EPHA3: variants seen among roughly 807,000 people sequenced by gnomAD.
EPHA3 encodes ephrin type-A receptor 3.
In EPHA3, 42 loss-of-function variants were observed where a neutral mutation model predicts 107.1. The ratio of observed to expected loss-of-function variants is 0.39; its 90% CI spans 0.31 to 0.51. EPHA3 has a LOEUF of 0.51. Among genes scored for constraint, EPHA3 ranks in the 20% least tolerant of loss-of-function variants. The pLI, the probability that EPHA3 is intolerant of heterozygous loss-of-function variation, is 0.78. For missense variants in EPHA3, 1,183 were observed against 1,211.2 expected, an observed-to-expected ratio of 0.98 and a Z score of 0.35; for synonymous variants, 461 against 424.8, an observed-to-expected ratio of 1.09 and a Z score of -1.05.
At chr3:89,386,222 T>C (rs1359515703) in intron 5 of EPHA3, among the ~76,000 whole-genome samples, 2 of 152,192 alleles carry the variant, frequency 1.3e-5, no homozygotes, top group Non-Finnish European at 2.9e-5. Flanking sequence ...AGCCAAATAT[T>C]AATTGCCAAG....
chr3:89,193,993 G>A (rs1221981032), intron 2 of EPHA3, among the ~76,000 whole-genome samples: 5 of 151,856 alleles, frequency 3.3e-5, no homozygotes, highest in East Asian at 1.9e-4. Context: ...GCTATGAAAC[G>A]GAATGCACTA....
intron 5 of EPHA3, among the ~76,000 whole-genome samples, chr3:89,345,598 G>C (rs1707627720): frequency 6.9e-6 from 1 of 144,626 alleles, no homozygotes; most frequent in African/African-American, 2.5e-5. Context: ...ACACTTCAGT[G>C]ACAATTTCTT....
rs570727885 is a variant in EPHA3 at position 89,356,410 on chromosome 3, C to G, written c.1306+14320C>G. Among the ~76,000 whole-genome samples the G allele has an allele frequency of 4.9e-4, 74 of 151,268 alleles. 1 individual carries two copies. The highest frequency in any genetic ancestry group is 1.7e-3 in the African/African-American group (70 of 41,442). On this transcript the variant is annotated intron_variant, in intron 5 of 16. Transcript: ENST00000336596. ...TCTAGATCCCTGAAGAATCGCCACA[C>G]TGACTTCCACAATGTTTGGACTAGT...
At chr3:89,256,316 A>T (rs547110716) in intron 3 of EPHA3, among the ~76,000 whole-genome samples, 1 of 152,116 alleles carries the variant, frequency 6.6e-6, no homozygotes. Flanking sequence ...TGGGAAGCTG[A>T]GGCAGGCAGA....
At chr3:89,283,000 T>A (rs548832366) in intron 3 of EPHA3, among the ~76,000 whole-genome samples, 2 of 152,218 alleles carry the variant, frequency 1.3e-5, no homozygotes, top group East Asian at 3.9e-4. Flanking sequence ...CTTTAAAAGT[T>A]GACAGTTTCT....
intron 2 of EPHA3, among the ~76,000 whole-genome samples, chr3:89,137,128 C>T (rs1421999278): frequency 6.6e-6 from 1 of 151,918 alleles, no homozygotes; most frequent in Non-Finnish European, 1.5e-5. Flanking sequence ...TAGTGTATGG[C>T]AGACTGAATA....
rs1004780498 is a variant in EPHA3 at position 89,380,731 on chromosome 3, C to T, written c.1307-15106C>T. ...AACATATAGTAAACTTGTAAGTGTA[C>T]TATAAACTGTGACTCTTTAAACAGC... On this transcript the variant is annotated intron_variant, in intron 5 of 16. Coordinates refer to ENST00000336596, the MANE Select transcript of EPHA3 (RefSeq NM_005233.6). Among the ~76,000 whole-genome samples the T allele has an allele frequency of 2.0e-5, 3 of 149,030 alleles. No homozygotes were observed. In the East Asian group the frequency reaches 5.9e-4, roughly 29 times the overall value.
intron 2 of EPHA3, among the ~76,000 whole-genome samples, chr3:89,193,439 G>A (rs1377219485): frequency 6.6e-6 from 1 of 151,884 alleles, no homozygotes; most frequent in Non-Finnish European, 1.5e-5. Context: ...CTTCATCCTT[G>A]ATCATTTTGA....
intron 3 of EPHA3, among the ~76,000 whole-genome samples, chr3:89,276,504 T>C (rs561683643): frequency 1.3e-5 from 2 of 152,202 alleles, no homozygotes; most frequent in African/African-American, 4.8e-5. Flanking sequence ...TCTGATAATA[T>C]AGCATTGCAA....
chr3:89,195,227 T>C (rs1441454924), intron 2 of EPHA3, among the ~76,000 whole-genome samples: 1 of 152,096 alleles, frequency 6.6e-6, no homozygotes, highest in Non-Finnish European at 1.5e-5. Context: ...CTTCTTTGCA[T>C]AAGTTCTCAC....
chr3:89,320,517 A>T (rs577057063), intron 3 of EPHA3, among the ~76,000 whole-genome samples: 11 of 152,002 alleles, frequency 7.2e-5, no homozygotes, highest in Non-Finnish European at 1.5e-4. Context: ...TCATCTTCTA[A>T]TCCTGGGAGA....
At chr3:89,112,780 G>A (rs1206464035) in intron 1 of EPHA3, among the ~76,000 whole-genome samples, 1 of 151,456 alleles carries the variant, frequency 6.6e-6, no homozygotes, top group African/African-American at 2.4e-5. Flanking sequence ...TGTGATCTGG[G>A]CTACTTTTTA....
At chr3:89,399,823 C>A (rs1708922790) in intron 7 of EPHA3, 3 of 1,094,324 alleles carry the variant, frequency 2.7e-6, no homozygotes, top group Admixed American at 5.0e-5. Context: ...AGGTTCATTG[C>A]GTGATTCAAT....
In EPHA3 at chr3:89,370,098, G is replaced by A. The variant is rs372804904; in HGVS notation, c.1307-25739G>A. Reference sequence around the variant, plus strand: ...TTCAACCATTGTGGAAGTCAGTGTGGCGATTCCTCAGGGATCTAGAACTAG... The same window carrying A: ...TTCAACCATTGTGGAAGTCAGTGTGACGATTCCTCAGGGATCTAGAACTAG... On this transcript the variant is annotated intron_variant, in intron 5 of 16. Coordinates refer to ENST00000336596, the MANE Select transcript of EPHA3 (RefSeq NM_005233.6). Among the ~76,000 whole-genome samples, 609 of 150,750 alleles carry A rather than the reference G, an allele frequency of 4.0e-3. 31 individuals carry two copies. In the East Asian group the frequency reaches 0.083, roughly 20 times the overall value.
At chr3:89,145,482 A>G (rs1228659221) in intron 2 of EPHA3, among the ~76,000 whole-genome samples, 3 of 151,916 alleles carry the variant, frequency 2.0e-5, no homozygotes, top group East Asian at 1.9e-4. Context: ...AAAGCAATAT[A>G]GAATGATCTT....
At position 89,479,495 on chromosome 3, in the gene EPHA3, C is replaced by A. The variant is rs1449229684; in HGVS notation, c.2945C>A (p.Pro982His). ...LETQSKNGPVPV is the reference protein window; with the variant it reads ...LETQSKNGPVHV Reference sequence around the variant, plus strand: ...ACGCAATCAAAGAATGGCCCAGTTCCCGTGTAAAGCACGGGACGGAAGTGC... The same window carrying A: ...ACGCAATCAAAGAATGGCCCAGTTCACGTGTAAAGCACGGGACGGAAGTGC... The change falls in exon 17 of 17, where the codon CCC (proline) becomes CAC (histidine). Residue 982 changes from proline to histidine, a missense_variant. By Grantham distance (77) the Pro-to-His change is moderately conservative (BLOSUM62 -2). Coordinates refer to ENST00000336596, the MANE Select transcript of EPHA3 (RefSeq NM_005233.6). 1.9e-6 allele frequency: 3 copies of A among 1,613,658 alleles called. No individual in the cohort carries two copies. Among genetic ancestry groups the A allele is most frequent in the Middle Eastern group, 1.7e-4 (1 of 6,048 alleles).
chr3:89,222,660 A>T lies in EPHA3; in HGVS notation c.814+12140A>T, dbSNP rs189428892. ...ACTTTAAATTCTTTGTTTCTAAAAAATTGAGAAGGGTGAAGGCTGTAATAA... is the reference window on the plus strand; with the variant it reads ...ACTTTAAATTCTTTGTTTCTAAAAATTTGAGAAGGGTGAAGGCTGTAATAA... On this transcript the variant is annotated intron_variant, in intron 3 of 16. Coordinates refer to ENST00000336596, the MANE Select transcript of EPHA3 (RefSeq NM_005233.6). 4.6e-3 allele frequency among the ~76,000 whole-genome samples: 694 copies of T among 152,084 alleles called. 3 individuals are homozygous for T. Among genetic ancestry groups the T allele is most frequent in the African/African-American group, 0.016 (657 of 41,518 alleles).
At chr3:89,245,155 A>G (rs553322829) in intron 3 of EPHA3, among the ~76,000 whole-genome samples, 5 of 152,316 alleles carry the variant, frequency 3.3e-5, no homozygotes, top group Admixed American at 3.3e-4. Flanking sequence ...AATAATTAGT[A>G]CATACATGGT....
chr3:89,402,307 G>T (rs1456347017), intron 7 of EPHA3, among the ~76,000 whole-genome samples: 5 of 152,110 alleles, frequency 3.3e-5, no homozygotes, highest in Non-Finnish European at 5.9e-5. Flanking sequence ...TGCTTCCATT[G>T]ATTGAGAGAG....
Sources: allele counts gnomAD v4.1 joint callset (sites outside exome capture counted in the v4.1 genomes callset), GRCh38; gene constraint gnomAD v4.1.1; transcripts MANE v1.5; gene names NCBI Gene and HGNC (gene_info 2026-07-23, HGNC 2026-07-21).